The following GRM5 variants were observed in gnomAD, a reference collection of about 807,000 sequenced individuals.
GRM5 encodes glutamate metabotropic receptor 5.
A neutral mutation model predicts 83.1 loss-of-function variants in GRM5; 19 were observed. The observed-to-expected ratio is 0.23, with a 90% CI of 0.16 to 0.34. GRM5 has a LOEUF of 0.34. Among genes scored for constraint, GRM5 ranks in the 10% least tolerant of loss-of-function variants. GRM5 has a pLI of 1.00. For synonymous variants in GRM5, 675 were observed against 633.6 expected (o/e 1.07, Z -0.98); for missense variants, 1,160 against 1,588.3 (o/e 0.73, Z 4.58).
intron 3 of GRM5, among the ~76,000 whole-genome samples, chr11:88,704,253 G>GA (rs1288545105): frequency 2.6e-5 from 4 of 151,992 alleles, no homozygotes; most frequent in Non-Finnish European, 5.9e-5. Flanking sequence ...GAATTTGAGG[G>GA]AAACAGAAAC....
chr11:88,989,117 T>C (rs1050940477), intron 2 of GRM5, among the ~76,000 whole-genome samples: 1 of 150,796 alleles, frequency 6.6e-6, no homozygotes, highest in African/African-American at 2.4e-5. Flanking sequence ...AGGAAACCCA[T>C]CTCACGTGCA....
intron 5 of GRM5, among the ~76,000 whole-genome samples, chr11:88,600,412 A>G (rs1389553149): frequency 1.3e-5 from 2 of 149,960 alleles, no homozygotes; most frequent in Non-Finnish European, 3.0e-5. Context: ...GTGTGTTTGT[A>G]TATGTAATTT....
At chr11:88,807,160 C>A (rs1425159545) in intron 3 of GRM5, among the ~76,000 whole-genome samples, 4 of 152,072 alleles carry the variant, frequency 2.6e-5, no homozygotes, top group African/African-American at 7.2e-5. Context: ...CTGCCATAAA[C>A]CTTGACATAG....
intron 2 of GRM5, among the ~76,000 whole-genome samples, chr11:88,918,405 CATGTACCCTAAAACTT>C (rs1052955684): frequency 6.6e-6 from 1 of 151,608 alleles, no homozygotes; most frequent in African/African-American, 2.4e-5. Context: ...ACATTGTGCA[CATGTACCCTAAAACTT>C]AAAGTATAAT....
At chr11:88,988,617 CG>C (rs1186794550) in intron 2 of GRM5, among the ~76,000 whole-genome samples, 1 of 150,952 alleles carries the variant, frequency 6.6e-6, no homozygotes, top group Non-Finnish European at 1.5e-5. Context: ...AGAGAAAGGT[CG>C]GGTTACCCTC....
intron 3 of GRM5, among the ~76,000 whole-genome samples, chr11:88,815,306 A>G (rs147442916): frequency 6.6e-5 from 10 of 152,362 alleles, no homozygotes; most frequent in Admixed American, 2.6e-4. Flanking sequence ...TGGGAACTAA[A>G]TAAAACATTT....
At chr11:88,661,240 G>T (rs1338100806) in intron 3 of GRM5, among the ~76,000 whole-genome samples, 1 of 152,078 alleles carries the variant, frequency 6.6e-6, no homozygotes, top group Non-Finnish European at 1.5e-5. Context: ...AATGTAACTT[G>T]TTTAAAAATT....
Position 88,572,411 on chromosome 11 carries a change from C to G in GRM5, c.1691-4419G>C, listed in dbSNP as rs1000887706. On this transcript the variant is annotated intron_variant, in intron 7 of 9. Coordinates refer to ENST00000305447, the MANE Select transcript of GRM5 (RefSeq NM_001143831.3). ...TTAATTGGATGGCCCACCACAGTCT[C>G]CTCTAACAATATCAGTTCTGTTTTA... Among the ~76,000 whole-genome samples, 9 of 152,144 alleles carry G rather than the reference C, an allele frequency of 5.9e-5. No individual in the cohort carries two copies. The East Asian group carries it at 1.7e-3, about 29-fold the overall frequency.
At position 88,615,603 on chromosome 11, in the gene GRM5, T is replaced by C. The variant is rs1188657533; in HGVS notation, c.1148-10639A>G. ...GACTTTACAAAATGCTTTAATCTCA[T>C]AAAACCCAATCAGCTAGGGGCTATT... On this transcript the variant is annotated intron_variant, in intron 4 of 9. Coordinates refer to ENST00000305447, the MANE Select transcript of GRM5 (RefSeq NM_001143831.3). 2.3e-5 allele frequency among the ~76,000 whole-genome samples: 3 copies of C among 129,656 alleles called. No individual in the cohort carries two copies. In the Admixed American group the frequency reaches 2.5e-4, roughly 11 times the overall value. The allele number at this position is 129,656 out of a possible 152,430, so 85.1% of individuals were successfully genotyped here.
At chr11:88,646,023 T>C (rs1939434825) in intron 4 of GRM5, among the ~76,000 whole-genome samples, 1 of 152,050 alleles carries the variant, frequency 6.6e-6, no homozygotes, top group African/African-American at 2.4e-5. Flanking sequence ...ATGAAGTTAA[T>C]TTTAGATGTT....
intron 2 of GRM5, among the ~76,000 whole-genome samples, chr11:88,905,987 T>A (rs886785872): frequency 6.6e-6 from 1 of 152,166 alleles, no homozygotes; most frequent in Admixed American, 6.6e-5. Context: ...GGACAAGATC[T>A]GAAAACTGTT....
At chr11:88,633,279 A>C (rs962433535) in intron 4 of GRM5, among the ~76,000 whole-genome samples, 8 of 152,180 alleles carry the variant, frequency 5.3e-5, no homozygotes, top group African/African-American at 1.7e-4. Flanking sequence ...CCCCAATTAT[A>C]GGTAAATTAT....
chr11:88,565,383 C>G (rs1942854405), intron 8 of GRM5, among the ~76,000 whole-genome samples: 1 of 152,202 alleles, frequency 6.6e-6, no homozygotes, highest in South Asian at 2.1e-4. Context: ...AACAATCTGG[C>G]TAGGCAGCCA....
chr11:88,516,639 G>C (rs932152074), intron 9 of GRM5, among the ~76,000 whole-genome samples: 2 of 152,124 alleles, frequency 1.3e-5, no homozygotes, highest in African/African-American at 4.8e-5. Context: ...TATGAGGCTT[G>C]AATCCTGGGT....
At chr11:88,778,141 C>T (rs768364626) in intron 3 of GRM5, among the ~76,000 whole-genome samples, 6 of 152,098 alleles carry the variant, frequency 3.9e-5, no homozygotes, top group Non-Finnish European at 8.8e-5. Context: ...ACTCTGTTTA[C>T]CTACTCAAGC....
chr11:88,906,785 A>C (rs1945410953), intron 2 of GRM5, among the ~76,000 whole-genome samples: 1 of 152,214 alleles, frequency 6.6e-6, no homozygotes, highest in Non-Finnish European at 1.5e-5. Flanking sequence ...CTAAAAATTG[A>C]GTAAATAATG....
At chr11:88,739,895 C>A (rs1228007157) in intron 3 of GRM5, among the ~76,000 whole-genome samples, 2 of 151,958 alleles carry the variant, frequency 1.3e-5, no homozygotes, top group Non-Finnish European at 2.9e-5. Context: ...CAGAATATAG[C>A]ACAATTTGGT....
chr11:88,758,362 A>G (rs1462485571), intron 3 of GRM5, among the ~76,000 whole-genome samples: 4 of 152,220 alleles, frequency 2.6e-5, no homozygotes, highest in Non-Finnish European at 5.9e-5. Flanking sequence ...GTTGACAGAC[A>G]AAATGGCCAG....
At chr11:88,610,964 C>T (rs1311529641) in intron 4 of GRM5, among the ~76,000 whole-genome samples, 2 of 152,160 alleles carry the variant, frequency 1.3e-5, no homozygotes, top group Admixed American at 6.5e-5. Context: ...TTTTCTGCAT[C>T]TATTGAGATG....
Sources: allele counts gnomAD v4.1 joint callset (sites outside exome capture counted in the v4.1 genomes callset), GRCh38; gene constraint gnomAD v4.1.1; transcripts MANE v1.5; gene names NCBI Gene and HGNC (gene_info 2026-07-23, HGNC 2026-07-21).